The following MTRFR variants were observed in gnomAD, a reference collection of about 807,000 sequenced individuals.
MTRFR encodes the protein mitochondrial translation release factor in rescue.
MTRFR carries 10 observed loss-of-function variants against 11.9 expected under a neutral mutation model. The ratio of observed to expected loss-of-function variants is 0.84; its 90% CI spans 0.52 to 1.42. MTRFR has a LOEUF of 1.42. Among genes scored for constraint, MTRFR ranks in the 40% most tolerant of loss-of-function variants. The pLI is 0.00. For missense variants in MTRFR, 196 were observed against 197.9 expected, an observed-to-expected ratio of 0.99 and a Z score of 0.06; for synonymous variants, 77 against 79.1, an observed-to-expected ratio of 0.97 and a Z score of 0.14.
chr12:123,250,371 G>A (rs1042992396), intron 1 of MTRFR: 4 of 152,034 alleles, frequency 2.6e-5, no homozygotes, highest in Non-Finnish European at 5.9e-5. Context: ...TCTTTTTCAG[G>A]TAAATCAGGT....
intron 1 of MTRFR, among the ~76,000 whole-genome samples, chr12:123,238,338 T>C (rs1419048640): frequency 6.6e-6 from 1 of 152,206 alleles, no homozygotes; most frequent in African/African-American, 2.4e-5. Flanking sequence ...TTAAGCTCAA[T>C]GTTGTTTGGC....
At position 123,253,839 on chromosome 12, in the gene MTRFR, G is replaced by A; in HGVS notation, c.165G>A (p.Leu55=). The part of the protein sequence containing the change: ...GKKDYPALLS[L]DENELEEQFV... Reference sequence around the variant, plus strand: ...AGGACTACCCTGCACTGCTTTCCTTGGATGAGAATGAACTCGAAGAGCAGT... The same window carrying A: ...AGGACTACCCTGCACTGCTTTCCTTAGATGAGAATGAACTCGAAGAGCAGT... Residue 55 remains leucine, a synonymous_variant, in exon 2 of 3, where the codon TTG becomes TTA. Coordinates refer to ENST00000253233, the MANE Select transcript of MTRFR (RefSeq NM_152269.5). 1 of 1,614,186 alleles carries A rather than the reference G, an allele frequency of 6.2e-7. No individual in the cohort carries two copies.
chr12:123,257,080 G>A lies in MTRFR; in HGVS notation c.*49G>A, dbSNP rs748127976. ...GACAGAATCTGCCAGAAGCTCCCAGGGAATAATGGTGGCGAGTTCCATCAC... is the reference window on the plus strand; with the variant it reads ...GACAGAATCTGCCAGAAGCTCCCAGAGAATAATGGTGGCGAGTTCCATCAC... On this transcript the variant is annotated 3_prime_UTR_variant, in exon 3 of 3. Transcript: ENST00000253233. The A allele has an allele frequency of 1.4e-6, 2 of 1,435,686 alleles. No homozygotes were observed. Among genetic ancestry groups the A allele is most frequent in the Non-Finnish European group, 2.0e-6 (2 of 1,024,946 alleles). 88.9% of individuals were successfully genotyped at this position (1,435,686 alleles called of 1,614,324 possible). A position where few individuals can be genotyped will look rare whatever the true frequency, so the allele number is the denominator to read the frequency against.
chr12:123,249,935 C>T (rs1039246961), intron 1 of MTRFR: 7 of 152,228 alleles, frequency 4.6e-5, no homozygotes, highest in Admixed American at 6.5e-5. Context: ...CTAGCAAGGC[C>T]GGGGAAGTTT....
At chr12:123,253,092 T>A (rs1438584848) in intron 1 of MTRFR, among the ~76,000 whole-genome samples, 1 of 103,332 alleles carries the variant, frequency 9.7e-6, no homozygotes, top group African/African-American at 3.1e-5. Context: ...TTTTTTTTTT[T>A]TTTTTTTTTT....
At chr12:123,247,410 C>CT (rs1290071249) in intron 1 of MTRFR, among the ~76,000 whole-genome samples, 2 of 152,166 alleles carry the variant, frequency 1.3e-5, no homozygotes, top group African/African-American at 4.8e-5. Flanking sequence ...TAATGTCCCT[C>CT]TTTGTCTCTT....
At chr12:123,242,677 C>T (rs930501402) in intron 1 of MTRFR, among the ~76,000 whole-genome samples, 4 of 152,182 alleles carry the variant, frequency 2.6e-5, no homozygotes, top group Non-Finnish European at 4.4e-5. Context: ...GGAGACCTTC[C>T]AGTGTGTCTG....
chr12:123,246,633 GT>G (rs2048044379), intron 1 of MTRFR, among the ~76,000 whole-genome samples: 1 of 147,458 alleles, frequency 6.8e-6, no homozygotes, highest in Non-Finnish European at 1.5e-5. Context: ...TATTTGTATG[GT>G]TTTGAAGGTT....
intron 1 of MTRFR, among the ~76,000 whole-genome samples, chr12:123,243,536 A>G (rs1000312353): frequency 9.4e-6 from 1 of 106,670 alleles, no homozygotes; most frequent in Admixed American, 9.9e-5. Context: ...TCTCAAAAAA[A>G]AAAAAAAAAA....
At chr12:123,243,275 A>T (rs1020424681) in intron 1 of MTRFR, among the ~76,000 whole-genome samples, 3 of 137,622 alleles carry the variant, frequency 2.2e-5, no homozygotes, top group African/African-American at 8.0e-5. Context: ...TCACGCCTGT[A>T]ATCCCAGCAC....
At position 123,256,878 on chromosome 12, in the gene MTRFR, A is replaced by G; in HGVS notation, c.348A>G (p.Val116=). ...KLARKILQEK[V]DVFYNGENSP... is the part of the protein sequence containing the mutation. ...CTCGGAAAATCCTACAAGAGAAAGT[A>G]GATGTTTTCTACAATGGTGAAAACA... The change falls in exon 3 of 3, where the codon GTA becomes GTG. Residue 116 remains valine, a synonymous_variant. Transcript: ENST00000253233. The G allele has an allele frequency of 6.2e-7, 1 of 1,614,006 alleles. No homozygotes were observed. Among genetic ancestry groups the G allele is most frequent in the Non-Finnish European group, 8.5e-7 (1 of 1,179,870 alleles).
chr12:123,239,105 C>CA (rs2047892399), intron 1 of MTRFR, among the ~76,000 whole-genome samples: 1 of 152,104 alleles, frequency 6.6e-6, no homozygotes, highest in Non-Finnish European at 1.5e-5. Flanking sequence ...CCCGTCTCTA[C>CA]AAAAAATCCA....
chr12:123,236,026 T>C (rs2047845128), intron 1 of MTRFR, among the ~76,000 whole-genome samples: 2 of 152,032 alleles, frequency 1.3e-5, no homozygotes, highest in Admixed American at 1.3e-4. Context: ...ATGGTGCCAC[T>C]GCACTCCAGC....
At chr12:123,253,279 C>A (rs11057213) in intron 1 of MTRFR, 5,795 of 275,990 alleles carry the variant, frequency 0.021, 88 homozygotes, top group Non-Finnish European at 0.03. Context: ...ACCTTGTGAT[C>A]CACCTGCCTC....
chr12:123,256,225 T>G (rs997841390), intron 2 of MTRFR, among the ~76,000 whole-genome samples: 2 of 152,236 alleles, frequency 1.3e-5, no homozygotes, highest in Admixed American at 6.5e-5. Context: ...AAGTGGTTGT[T>G]AACTGGCCAC....
intron 1 of MTRFR, among the ~76,000 whole-genome samples, chr12:123,245,877 G>A (rs1443715489): frequency 6.6e-6 from 1 of 152,034 alleles, no homozygotes; most frequent in African/African-American, 2.4e-5. Context: ...TCCTCTTTAT[G>A]GATGTGGATG....
At chr12:123,237,883 C>T (rs901360252) in intron 1 of MTRFR, among the ~76,000 whole-genome samples, 5 of 147,122 alleles carry the variant, frequency 3.4e-5, no homozygotes, top group African/African-American at 1.2e-4. Context: ...TACCATTTTA[C>T]AGACAGCACC....
chr12:123,248,804 A>G (rs368756474), intron 1 of MTRFR: 20 of 152,278 alleles, frequency 1.3e-4, no homozygotes, highest in African/African-American at 4.6e-4. Context: ...GGTCCATTTT[A>G]CAGAGAGCTG....
rs774760519 is a variant in MTRFR, at chr12:123,253,664, C to T, written c.-11C>T. The T allele has an allele frequency of 1.9e-6, 3 of 1,614,106 alleles. No homozygotes were observed. The highest frequency in any genetic ancestry group is 2.2e-5 in the East Asian group (1 of 44,884). On this transcript the variant is annotated 5_prime_UTR_variant, in exon 2 of 3. Coordinates refer to ENST00000253233, the MANE Select transcript of MTRFR (RefSeq NM_152269.5). ...TAACCCAGGTCCTCAGCCAGCAGAG[C>T]CACGTTCCTTATGAGCACCGTGGGT...
Sources: allele counts gnomAD v4.1 joint callset (sites outside exome capture counted in the v4.1 genomes callset), GRCh38; gene constraint gnomAD v4.1.1; transcripts MANE v1.5; gene names NCBI Gene and HGNC (gene_info 2026-07-23, HGNC 2026-07-21).